CENPP: variants seen among roughly 807,000 people sequenced by gnomAD.
The protein encoded by CENPP is centromere protein P.
CENPP carries 24 observed loss-of-function variants against 35.6 expected under a neutral mutation model. The observed-to-expected ratio is 0.67, with a 90% CI of 0.49 to 0.95. CENPP has a LOEUF of 0.95. Among genes scored for constraint, CENPP ranks in the 40% least tolerant of loss-of-function variants. CENPP has a pLI of 0.00. For missense variants in CENPP, 332 were observed against 345.3 expected (o/e 0.96, Z 0.31); for synonymous variants, 120 against 125.5 (o/e 0.96, Z 0.29).
intron 5 of CENPP, among the ~76,000 whole-genome samples, chr9:92,380,832 A>G (rs1842225119): frequency 6.6e-6 from 1 of 152,176 alleles, no homozygotes; most frequent in African/African-American, 2.4e-5. Flanking sequence ...CTGTTTCCTT[A>G]TGCATTTGAA....
intron 5 of CENPP, chr9:92,401,093 A>G (rs781618698): frequency 7.2e-7 from 1 of 1,385,262 alleles, no homozygotes; most frequent in South Asian, 1.2e-5. Flanking sequence ...GATACTTACC[A>G]TCATTTTCTT....
At position 92,614,096 on chromosome 9, in the gene CENPP, A is replaced by G. The variant is rs1851356256; in HGVS notation, c.*947A>G. On this transcript the variant is annotated 3_prime_UTR_variant, in exon 8 of 8. Coordinates refer to ENST00000375587, the MANE Select transcript of CENPP (RefSeq NM_001012267.3). ...TCTCCCTCAAATACAGGCTGTTTTC[A>G]TCGTGTCTAGTCCAGCCCTGTCTGG... is the stretch of plus-strand genomic sequence containing the variant. 6.6e-6 allele frequency: 1 copy of G among 152,238 alleles called. No individual in the cohort carries two copies. The highest frequency in any genetic ancestry group is 2.4e-5 in the African/African-American group (1 of 41,426). The allele number at this position is 152,238 out of a possible 1,614,324, so 9.4% of individuals were successfully genotyped here.
chr9:92,522,490 C>G, intron 5 of CENPP: 2 of 1,221,988 alleles, frequency 1.6e-6, no homozygotes, highest in Non-Finnish European at 2.2e-6. Flanking sequence ...AGATGTTCTC[C>G]CTCTCTCCCT....
chr9:92,573,976 G>A (rs544630540), intron 5 of CENPP, among the ~76,000 whole-genome samples: 40 of 152,238 alleles, frequency 2.6e-4, no homozygotes, highest in Non-Finnish European at 4.7e-4. Flanking sequence ...GGAGTGTCCC[G>A]ATTTTCCAGG....
chr9:92,454,184 T>C lies in CENPP; in HGVS notation c.564+74325T>C, dbSNP rs573059652. Among the ~76,000 whole-genome samples, 4 of 152,328 alleles carry C rather than the reference T, an allele frequency of 2.6e-5. No individual in the cohort carries two copies. In the East Asian group the frequency reaches 5.8e-4, roughly 22 times the overall value. ...AGTTTTGGTTGTTTATGATTTTTAT[T>C]AGTGATTTGTTTTTTGCAAACTTAA... On this transcript the variant is annotated intron_variant, in intron 5 of 7. Transcript: ENST00000375587.
intron 5 of CENPP, chr9:92,505,644 A>G (rs1211671881): frequency 1.2e-6 from 2 of 1,607,886 alleles, no homozygotes; most frequent in South Asian, 1.1e-5. Context: ...CATTGGCTTC[A>G]CTGAGATTGT....
chr9:92,388,043 C>T (rs901074315), intron 5 of CENPP, among the ~76,000 whole-genome samples: 3 of 152,124 alleles, frequency 2.0e-5, no homozygotes, highest in African/African-American at 7.2e-5. Flanking sequence ...GGATTACAGG[C>T]ATGAGCCACC....
intron 5 of CENPP, chr9:92,510,129 A>G: frequency 7.1e-7 from 1 of 1,399,064 alleles, no homozygotes; most frequent in South Asian, 1.5e-5. Context: ...TCACAAACCT[A>G]TCCTTCCTTA....
chr9:92,482,057 A>C (rs1418586944), intron 5 of CENPP, among the ~76,000 whole-genome samples: 2 of 151,156 alleles, frequency 1.3e-5, no homozygotes, highest in Non-Finnish European at 3.0e-5. Context: ...CACTTAGCTG[A>C]AAAAAAAAGT....
intron 5 of CENPP, among the ~76,000 whole-genome samples, chr9:92,545,485 G>A (rs1213392861): frequency 1.3e-5 from 2 of 152,290 alleles, no homozygotes; most frequent in Middle Eastern, 3.4e-3. Context: ...CTGCCTCCCC[G>A]CGGGGCAGGG....
At chr9:92,499,071 G>A (rs965968464) in intron 5 of CENPP, among the ~76,000 whole-genome samples, 16 of 152,188 alleles carry the variant, frequency 1.1e-4, no homozygotes, top group African/African-American at 3.6e-4. Context: ...GTCTGCAGTA[G>A]GTAATGCAGA....
intron 5 of CENPP, among the ~76,000 whole-genome samples, chr9:92,460,214 T>G (rs1282423380): frequency 6.6e-6 from 1 of 151,986 alleles, no homozygotes; most frequent in Non-Finnish European, 1.5e-5. Context: ...TTCGTATTTT[T>G]TAGTAGAGAT....
chr9:92,583,088 T>G (rs1850467525), intron 5 of CENPP, among the ~76,000 whole-genome samples: 1 of 152,218 alleles, frequency 6.6e-6, no homozygotes, highest in African/African-American at 2.4e-5. Flanking sequence ...GGTGGTCGGA[T>G]TCTCAATGTG....
At chr9:92,612,995 C>T (rs1163770596) in intron 7 of CENPP, 24 bp from the exon 8 acceptor site, 2 of 1,613,490 alleles carry the variant, frequency 1.2e-6, no homozygotes, top group African/African-American at 1.3e-5. Context: ...AAGTTTCTTA[C>T]CCGGTTTAAT....
intron 3 of CENPP, among the ~76,000 whole-genome samples, chr9:92,343,253 G>C (rs1841176934): frequency 6.6e-6 from 1 of 152,168 alleles, no homozygotes; most frequent in African/African-American, 2.4e-5. Flanking sequence ...TGGATCCAGA[G>C]AGTTTGAATG....
Position 92,591,288 on chromosome 9 carries a change from G to A in CENPP, c.565-20026G>A, listed in dbSNP as rs560062090. Among the ~76,000 whole-genome samples the A allele has an allele frequency of 3.3e-5, 5 of 151,994 alleles. No homozygotes were observed. The East Asian group carries it at 5.8e-4, about 18-fold the overall frequency. On this transcript the variant is annotated intron_variant, in intron 5 of 7. Coordinates refer to ENST00000375587, the MANE Select transcript of CENPP (RefSeq NM_001012267.3). ...CAAAAAAATTAGCCAGTGTGATGGCGGCCGCCTGTAGTCCCAGCTACTCGG... is the reference window on the plus strand; with the variant it reads ...CAAAAAAATTAGCCAGTGTGATGGCAGCCGCCTGTAGTCCCAGCTACTCGG...
At chr9:92,419,577 G>A (rs577840762) in intron 5 of CENPP, among the ~76,000 whole-genome samples, 2 of 152,150 alleles carry the variant, frequency 1.3e-5, no homozygotes, top group Admixed American at 6.5e-5. Context: ...GGGATTACGG[G>A]CGTGAGCCAC....
At chr9:92,459,111 A>T (rs547988055) in intron 5 of CENPP, among the ~76,000 whole-genome samples, 1 of 152,220 alleles carries the variant, frequency 6.6e-6, no homozygotes, top group African/African-American at 2.4e-5. Context: ...ACAAACAACA[A>T]AATGGGAACT....
chr9:92,497,870 T>C (rs1226537561), intron 5 of CENPP, among the ~76,000 whole-genome samples: 1 of 107,674 alleles, frequency 9.3e-6, no homozygotes, highest in African/African-American at 6.4e-5. Flanking sequence ...AAGAGCTGGT[T>C]GTTTAAAAAA....
Sources: gnomAD v4.1 joint callset for allele counts (sites outside exome capture counted in the v4.1 genomes callset) on GRCh38, gnomAD v4.1.1 for gene constraint, MANE v1.5 for transcripts, NCBI Gene and HGNC (gene_info 2026-07-23, HGNC 2026-07-21) for gene names.